The following SGCG variants were observed in gnomAD, a reference collection of about 807,000 sequenced individuals.
The protein encoded by SGCG is gamma-sarcoglycan.
In SGCG, 26 loss-of-function variants were observed where a neutral mutation model predicts 29.3. The ratio of observed to expected loss-of-function variants is 0.89; its 90% confidence interval spans 0.65 to 1.23. SGCG has a LOEUF of 1.23. SGCG is among the 50% of genes most tolerant of loss of function. The pLI, the probability that SGCG is intolerant of heterozygous loss-of-function variation, is 0.00. For missense variants in SGCG, 353 were observed against 356.0 expected (o/e 0.99, Z 0.07); for synonymous variants, 145 against 129.7 (o/e 1.12, Z -0.80).
At chr13:23,283,335 C>T (rs1881378056) in intron 5 of SGCG, among the ~76,000 whole-genome samples, 1 of 152,130 alleles carries the variant, frequency 6.6e-6, no homozygotes, top group Non-Finnish European at 1.5e-5. Context: ...GGATAGTTAG[C>T]TCTTCTTGTT....
Position 23,324,830 on chromosome 13 carries a change from C to T in SGCG, c.*289C>T, listed in dbSNP as rs962213783. The stretch of plus-strand genomic sequence containing the variant: ...CGAATTCTCTCTGCCTCGCCTCCCC[C>T]TATCTTGTCCGTGTGGGCACACACT... On this transcript the variant is annotated 3_prime_UTR_variant, in exon 8 of 8. Coordinates refer to ENST00000218867, the MANE Select transcript of SGCG (RefSeq NM_000231.3). The T allele has an allele frequency of 3.1e-5, 13 of 420,454 alleles. No individual in the cohort carries two copies. The East Asian group carries it at 7.2e-4, about 23-fold the overall frequency. 26.0% of individuals were successfully genotyped at this position (420,454 alleles called of 1,614,324 possible). A position where few individuals can be genotyped will look rare whatever the true frequency, so the allele number is the denominator to read the frequency against.
intron 6 of SGCG, among the ~76,000 whole-genome samples, chr13:23,302,141 C>A (rs1286449039): frequency 6.6e-6 from 1 of 151,936 alleles, no homozygotes; most frequent in Admixed American, 6.6e-5. Flanking sequence ...GAAAAGTTTT[C>A]TTTTTGTCCT....
chr13:23,286,210 C>G (rs1881490088), intron 5 of SGCG, among the ~76,000 whole-genome samples: 1 of 152,218 alleles, frequency 6.6e-6, no homozygotes, highest in African/African-American at 2.4e-5. Flanking sequence ...CCACTGGTCT[C>G]TCACCATTAC....
intron 6 of SGCG, among the ~76,000 whole-genome samples, chr13:23,300,839 G>A (rs1882129620): frequency 6.6e-6 from 1 of 150,588 alleles, no homozygotes; most frequent in Admixed American, 6.6e-5. Flanking sequence ...AAAAGGGCCG[G>A]GCGCGGTGGC....
intron 2 of SGCG, among the ~76,000 whole-genome samples, chr13:23,215,567 A>C (rs1302092872): frequency 1.3e-5 from 2 of 152,220 alleles, no homozygotes; most frequent in Non-Finnish European, 2.9e-5. Context: ...TATTTTAATT[A>C]AATGCTCAGT....
intron 2 of SGCG, among the ~76,000 whole-genome samples, chr13:23,222,805 G>T (rs1878722794): frequency 6.6e-6 from 1 of 152,196 alleles, no homozygotes; most frequent in Non-Finnish European, 1.5e-5. Context: ...TCCAGCCTGG[G>T]TGACAGAGCA....
chr13:23,204,580 C>CTCTTTCTTTTCTTTCTTT (rs71668291), intron 2 of SGCG, among the ~76,000 whole-genome samples: 7 of 131,976 alleles, frequency 5.3e-5, no homozygotes, highest in Admixed American at 3.7e-4. Flanking sequence ...TATGCACAGG[C>CTCTTTCTTTTCTTTCTTT]TCTTTCTTTT....
chr13:23,299,450 A>ATTTTTTTTT (rs1345857156), intron 6 of SGCG, among the ~76,000 whole-genome samples: 2 of 37,692 alleles, frequency 5.3e-5, no homozygotes, highest in Non-Finnish European at 1.1e-4. Context: ...ATATATATAT[A>ATTTTTTTTT]TATATATTTT....
chr13:23,315,443 C>T (rs1001670044), intron 6 of SGCG, among the ~76,000 whole-genome samples: 6 of 152,202 alleles, frequency 3.9e-5, no homozygotes, highest in African/African-American at 1.4e-4. Flanking sequence ...GTCTCCCCTT[C>T]TGCCACCCTG....
chr13:23,269,901 G>A (rs1458316390), intron 4 of SGCG, among the ~76,000 whole-genome samples: 3 of 136,776 alleles, frequency 2.2e-5, no homozygotes, highest in Non-Finnish European at 4.7e-5. Flanking sequence ...TTGAGGCGGA[G>A]TCTCCCTCTG....
chr13:23,259,481 T>C (rs1212169764), intron 4 of SGCG, among the ~76,000 whole-genome samples: 1 of 152,140 alleles, frequency 6.6e-6, no homozygotes, highest in African/African-American at 2.4e-5. Context: ...TGTTGATCTT[T>C]TCAAAAAAAC....
chr13:23,293,718 G>A (rs1439591159), intron 5 of SGCG, among the ~76,000 whole-genome samples: 1 of 152,026 alleles, frequency 6.6e-6, no homozygotes, highest in East Asian at 1.9e-4. Flanking sequence ...TGTAGTCCCA[G>A]CTACTCAGGA....
chr13:23,250,802 A>G lies in SGCG; in HGVS notation c.385+85A>G, dbSNP rs1258850654. ...AATGCATTGTTTTTTCTTCTAAAGA[A>G]ATCAAAGCTACTTATGAACAAAATA... is the stretch of plus-strand genomic sequence containing the variant. On this transcript the variant is annotated intron_variant, in intron 4 of 7. Coordinates refer to ENST00000218867, the MANE Select transcript of SGCG (RefSeq NM_000231.3). 6.2e-5 allele frequency: 51 copies of G among 825,930 alleles called. 1 individual carries two copies. Among genetic ancestry groups the G allele is most frequent in the Admixed American group, 1.9e-5 (1 of 52,238 alleles). The allele number at this position is 825,930 out of a possible 1,614,324, so 51.2% of individuals were successfully genotyped here.
chr13:23,162,417 A>C, the SGCG span, among the ~76,000 whole-genome samples: 3 of 152,168 alleles, frequency 2.0e-5, no homozygotes, highest in African/African-American at 7.2e-5. Context: ...GATGGAGACC[A>C]TCCTGGCTCC....
Position 23,281,988 on chromosome 13 carries a change from C to T in SGCG, c.505+2510C>T, listed in dbSNP as rs188596216. Among the ~76,000 whole-genome samples the T allele has an allele frequency of 5.9e-5, 9 of 152,286 alleles. No homozygotes were observed. In the East Asian group the frequency reaches 1.5e-3, roughly 26 times the overall value. ...TCTTTCATAATTTTTTTGCCTGAGG[C>T]ACAATTTTCTCCCAAACTCCTCCTC... is the stretch of plus-strand genomic sequence containing the variant. On this transcript the variant is annotated intron_variant, in intron 5 of 7. Transcript: ENST00000218867.
At chr13:23,279,730 C>A (rs1881231972) in intron 5 of SGCG, among the ~76,000 whole-genome samples, 1 of 149,526 alleles carries the variant, frequency 6.7e-6, no homozygotes, top group African/African-American at 2.5e-5. Context: ...TCCCTTCCTT[C>A]TTTTTTTTTT....
At chr13:23,313,173 T>C (rs1416879442) in intron 6 of SGCG, among the ~76,000 whole-genome samples, 2 of 151,666 alleles carry the variant, frequency 1.3e-5, no homozygotes, top group African/African-American at 2.4e-5. Flanking sequence ...CTTCTTCTTT[T>C]TTTTTTTTTG....
intron 1 of SGCG, among the ~76,000 whole-genome samples, chr13:23,196,538 G>T (rs1191478193): frequency 6.6e-6 from 1 of 152,176 alleles, no homozygotes; most frequent in East Asian, 1.9e-4. Context: ...TCAGGGTGAA[G>T]CTGAACATTT....
At chr13:23,202,293 A>G (rs1247066834) in intron 1 of SGCG, among the ~76,000 whole-genome samples, 3 of 152,160 alleles carry the variant, frequency 2.0e-5, no homozygotes, top group Admixed American at 6.5e-5. Context: ...TTACACATTG[A>G]CTGCTGGGTG....
Sources: allele counts gnomAD v4.1 joint callset (sites outside exome capture counted in the v4.1 genomes callset), GRCh38; gene constraint gnomAD v4.1.1; transcripts MANE v1.5; gene names NCBI Gene and HGNC (gene_info 2026-07-23, HGNC 2026-07-21).